TRPM1: variants seen among roughly 807,000 people sequenced by gnomAD.
The protein encoded by TRPM1 is transient receptor potential cation channel subfamily M member 1, also known as TRPM1-203 APA Isoform, Intron 10.
In TRPM1, 113 loss-of-function variants were observed where a neutral mutation model predicts 149.4. The observed-to-expected ratio is 0.76, with a 90% confidence interval of 0.65 to 0.88. TRPM1 has a LOEUF of 0.88. Among genes scored for constraint, TRPM1 ranks in the 40% least tolerant of loss-of-function variants. TRPM1 has a pLI of 0.00. For missense variants in TRPM1, 1,976 were observed against 2,038.7 expected, an observed-to-expected ratio of 0.97 and a Z score of 0.59; for synonymous variants, 741 against 759.5, an observed-to-expected ratio of 0.98 and a Z score of 0.40.
At chr15:31,019,094 T>C (rs1041650334) in intron 27 of TRPM1, among the ~76,000 whole-genome samples, 14 of 152,394 alleles carry the variant, frequency 9.2e-5, no homozygotes, top group African/African-American at 3.4e-4. Flanking sequence ...TTAGTGGAGC[T>C]AGGTCCAGTT....
At chr15:31,013,312 A>AT (rs1030135344) in intron 27 of TRPM1, among the ~76,000 whole-genome samples, 3 of 151,764 alleles carry the variant, frequency 2.0e-5, no homozygotes, top group Non-Finnish European at 2.9e-5. Context: ...TGCCTGACCT[A>AT]TTTTTTTAAA....
intron 1 of TRPM1, among the ~76,000 whole-genome samples, chr15:31,107,643 GT>G (rs1228731937): frequency 6.6e-6 from 1 of 151,832 alleles, no homozygotes; most frequent in African/African-American, 2.4e-5. Flanking sequence ...AAAGTTGAAG[GT>G]TAGGTTATTT....
chr15:31,040,651 C>A lies in TRPM1; in HGVS notation c.2088-305G>T, dbSNP rs759377421. ...AGAGACGAGAAGACAAAGTCCCTTC[C>A]CTCAAGTTGTGCACAGATCAGGGAG... On this transcript the variant is annotated intron_variant, in intron 17 of 27. Transcript: ENST00000256552. The surrounding 1 kb of genome is among the most constrained non-coding windows in gnomAD (Gnocchi z 4.2). Among the ~76,000 whole-genome samples the A allele has an allele frequency of 6.6e-6, 1 of 152,156 alleles. No homozygotes were observed. Among genetic ancestry groups the A allele is most frequent in the Non-Finnish European group, 1.5e-5 (1 of 68,030 alleles).
At chr15:31,071,963 C>CAA (rs71790815) in intron 3 of TRPM1, among the ~76,000 whole-genome samples, 17 of 30,310 alleles carry the variant, frequency 5.6e-4, no homozygotes, top group Admixed American at 1.1e-3. Context: ...GACTCCGTCT[C>CAA]AAAAAAAAAA....
intron 9 of TRPM1, 138 bp downstream of exon 9, chr15:31,062,441 G>T: frequency 1.8e-6 from 2 of 1,089,594 alleles, no homozygotes; most frequent in Non-Finnish European, 2.7e-6. Context: ...CCACCAATTT[G>T]GTATGCATTT....
At chr15:31,052,415 C>T (rs2033969961) in intron 11 of TRPM1, among the ~76,000 whole-genome samples, 2 of 152,256 alleles carry the variant, frequency 1.3e-5, no homozygotes, top group Admixed American at 1.3e-4. Flanking sequence ...GGACCCTTAC[C>T]TTACACCATA....
intron 27 of TRPM1, among the ~76,000 whole-genome samples, chr15:31,006,220 C>T (rs554512041): frequency 2.8e-4 from 42 of 152,016 alleles, no homozygotes; most frequent in Non-Finnish European, 4.7e-4. Flanking sequence ...CTCTGTTGCC[C>T]AGACTAGAGT....
Position 31,001,571 on chromosome 15 carries a change from T to A in TRPM1, c.*251A>T, listed in dbSNP as rs17227989. 1.8e-6 allele frequency: 1 copy of A among 563,554 alleles called. No individual in the cohort carries two copies. Among genetic ancestry groups the A allele is most frequent in the Non-Finnish European group, 3.1e-6 (1 of 319,970 alleles). 34.9% of individuals were successfully genotyped at this position (563,554 alleles called of 1,614,324 possible). ...AATAAAGAGATTGTATAATCTTGTA[T>A]ACTGATTAGCCAATTTATCTTCGTT... On this transcript the variant is annotated 3_prime_UTR_variant, in exon 28 of 28. Coordinates refer to ENST00000256552, the MANE Select transcript of TRPM1 (RefSeq NM_001252024.2).
At chr15:31,054,035 A>C (rs1178002612) in intron 11 of TRPM1, among the ~76,000 whole-genome samples, 2 of 152,238 alleles carry the variant, frequency 1.3e-5, no homozygotes, top group Non-Finnish European at 2.9e-5. Flanking sequence ...CAGTAGTCAT[A>C]TTCATGGCAA....
intron 1 of TRPM1, among the ~76,000 whole-genome samples, chr15:31,126,950 G>C (rs1441107591): frequency 6.7e-6 from 1 of 148,776 alleles, no homozygotes; most frequent in Non-Finnish European, 1.5e-5. Flanking sequence ...CTAGACGACA[G>C]AGTGAGATCC....
rs183981984 is a variant in TRPM1, at chr15:31,109,193, G to A, written c.55-32209C>T. Among the ~76,000 whole-genome samples the A allele has an allele frequency of 4.1e-3, 625 of 152,082 alleles. 17 individuals carry two copies. Among genetic ancestry groups the A allele is most frequent in the Non-Finnish European group, 1.0e-3 (68 of 67,984 alleles). On this transcript the variant is annotated intron_variant, in intron 1 of 26. Transcript: ENST00000542188. ...AAAAGAAAGGGGAGTAATGGGCCAC[G>A]TGAGGTGGCTCACGCCTGTAATCCC...
In TRPM1 at chr15:31,002,078, G is replaced by C. The variant is rs574276646; in HGVS notation, c.4622C>G (p.Pro1541Arg). The change falls in exon 28 of 28, where the codon CCT (proline) becomes CGT (arginine). Residue 1541 changes from proline to arginine, a missense_variant. Coordinates refer to ENST00000256552, the MANE Select transcript of TRPM1 (RefSeq NM_001252024.2). ...HHVAEAIPRIPRLSLTITDRN... is the reference protein window; with the variant it reads ...HHVAEAIPRIRRLSLTITDRN... ...GTCAGTAATGGTTAGGGACAAGCGA[G>C]GGATTCGAGGAATTGCTTCAGCGAC... 1.2e-6 allele frequency: 2 copies of C among 1,614,234 alleles called. No individual in the cohort carries two copies. The highest frequency in any genetic ancestry group is 2.7e-5 in the African/African-American group (2 of 75,068).
chr15:31,128,656 G>GCGT (rs1165981530), intron 1 of TRPM1, among the ~76,000 whole-genome samples: 1 of 152,190 alleles, frequency 6.6e-6, no homozygotes, highest in Non-Finnish European at 1.5e-5. Flanking sequence ...ACGGGCATAG[G>GCGT]CAGACATGCA....
intron 1 of TRPM1, among the ~76,000 whole-genome samples, chr15:31,093,354 G>A (rs963070228): frequency 6.6e-6 from 1 of 151,222 alleles, no homozygotes; most frequent in Non-Finnish European, 1.5e-5. Context: ...TAGCAGAAGT[G>A]GAGGGTGAAA....
At position 31,026,128 on chromosome 15, in the gene TRPM1, G is replaced by A. The variant is rs377202874; in HGVS notation, c.3629+11C>T. On this transcript the variant is annotated intron_variant, in intron 27 of 27. Transcript: ENST00000256552. ...TGGCTCACGGGCCCGCGGTGGGGAC[G>A]CTACACGTACCTTTCAGAAGTGACC... 91 of 1,610,156 alleles carry A rather than the reference G, an allele frequency of 5.7e-5. No individual in the cohort carries two copies. In the African/African-American group the frequency reaches 8.9e-4, roughly 16 times the overall value.
At chr15:31,119,588 ATAAAGG>A (rs1335508405) in intron 1 of TRPM1, among the ~76,000 whole-genome samples, 10 of 152,200 alleles carry the variant, frequency 6.6e-5, no homozygotes. Context: ...GAAGAAATAA[ATAAAGG>A]TAAAGTAAAA....
intron 27 of TRPM1, among the ~76,000 whole-genome samples, chr15:31,012,278 TTAG>T (rs2032214109): frequency 6.6e-6 from 1 of 152,220 alleles, no homozygotes; most frequent in Non-Finnish European, 1.5e-5. Context: ...AAAACTATCT[TTAG>T]TATCCCTCAT....
At chr15:31,010,739 A>G (rs1444537671) in intron 27 of TRPM1, among the ~76,000 whole-genome samples, 1 of 152,168 alleles carries the variant, frequency 6.6e-6, no homozygotes, top group Non-Finnish European at 1.5e-5. Flanking sequence ...TAAAATGAAT[A>G]TATATTTTGC....
rs111591862 is a variant in TRPM1, at chr15:31,131,210, G to A, written c.54+29696C>T. Among the ~76,000 whole-genome samples, 382 of 151,794 alleles carry A rather than the reference G, an allele frequency of 2.5e-3. 1 individual carries two copies. The highest frequency in any genetic ancestry group is 8.8e-3 in the African/African-American group (361 of 41,056). ...ACACCAACCATCAGCCACTTAGAGCGACTGTTGCGGCAGCACAGTGCTTGT... is the reference window on the plus strand; with the variant it reads ...ACACCAACCATCAGCCACTTAGAGCAACTGTTGCGGCAGCACAGTGCTTGT... On this transcript the variant is annotated intron_variant, in intron 1 of 26. Transcript: ENST00000542188.
Sources: allele counts gnomAD v4.1 joint callset (sites outside exome capture counted in the v4.1 genomes callset), GRCh38; gene constraint gnomAD v4.1.1; non-coding constraint Gnocchi (gnomAD v3.1); transcripts MANE v1.5; gene names NCBI Gene and HGNC (gene_info 2026-07-23, HGNC 2026-07-21).